The following VWA8 variants were observed in gnomAD, a reference collection of about 807,000 sequenced individuals.
The protein encoded by VWA8 is von Willebrand factor A domain containing 8, also known as von Willebrand factor A domain-containing protein 8.
A neutral mutation model predicts 241.5 loss-of-function variants in VWA8; 221 were observed. The ratio of observed to expected loss-of-function variants is 0.91; its 90% CI spans 0.82 to 1.02. The LOEUF (loss-of-function observed/expected upper bound fraction) is 1.02. Among genes scored for constraint, VWA8 ranks in the 50% least tolerant of loss-of-function variants. The probability of loss-of-function intolerance (pLI) is 0.00; values close to 1 mark genes in which losing one functional copy is unlikely to be tolerated. For synonymous variants in VWA8, 852 were observed against 827.1 expected, an observed-to-expected ratio of 1.03 and a Z score of -0.52; for missense variants, 2,322 against 2,328.7, an observed-to-expected ratio of 1.00 and a Z score of 0.06.
intron 21 of VWA8, among the ~76,000 whole-genome samples, chr13:41,737,388 A>G (rs1289617924): frequency 1.3e-5 from 2 of 152,232 alleles, no homozygotes; most frequent in South Asian, 2.1e-4. Flanking sequence ...AAGGTGATGT[A>G]AACAAGTTTA....
intron 42 of VWA8, among the ~76,000 whole-genome samples, chr13:41,580,974 T>C (rs549734172): frequency 7.7e-6 from 1 of 129,622 alleles, no homozygotes; most frequent in African/African-American, 3.8e-5. Context: ...GGAGAGTGAG[T>C]CATCTATTTT....
intron 37 of VWA8, among the ~76,000 whole-genome samples, chr13:41,631,616 T>A (rs1253415222): frequency 6.6e-6 from 1 of 152,086 alleles, no homozygotes; most frequent in African/African-American, 2.4e-5. Context: ...TTACTTAGAG[T>A]ACCTTATTTA....
At position 41,699,103 on chromosome 13, in the gene VWA8, G is replaced by A. The variant is rs1313284220; in HGVS notation, c.3532C>T (p.Leu1178Phe). The A allele has an allele frequency of 1.9e-6, 3 of 1,614,000 alleles. No individual in the cohort carries two copies. Among genetic ancestry groups the A allele is most frequent in the Non-Finnish European group, 2.5e-6 (3 of 1,179,916 alleles). The change falls in exon 29 of 45, where the codon CTC becomes TTC. Residue 1178 changes from leucine (L) to phenylalanine (F), a missense_variant. Coordinates refer to ENST00000379310, the MANE Select transcript of VWA8 (RefSeq NM_015058.2). ...TCATGGAGAACCACTTGACCTTTGA[G>A]AGGACTTCCCAGCGGTGCCACTGTC... ...FVTVAPLGSP[L>F]KGQVVLHEQQ...
chr13:41,699,404 C>T, intron 28 of VWA8, 134 bp from the exon 29 acceptor site: 2 of 807,366 alleles, frequency 2.5e-6, no homozygotes, highest in Non-Finnish European at 4.0e-6. Context: ...TGTATCATGG[C>T]TTGATTAGGC....
chr13:41,582,079 G>A (rs568584812), intron 42 of VWA8, among the ~76,000 whole-genome samples: 13 of 152,252 alleles, frequency 8.5e-5, no homozygotes, highest in Middle Eastern at 3.4e-3. Context: ...ATGATGTTGC[G>A]CTAGTCTTCA....
chr13:41,938,409 T>C (rs974844785), intron 2 of VWA8, among the ~76,000 whole-genome samples: 3 of 151,932 alleles, frequency 2.0e-5, no homozygotes, highest in African/African-American at 7.3e-5. Flanking sequence ...TCCCAACACT[T>C]TGGGAGGCCA....
At chr13:41,806,739 G>A (rs1870228960) in intron 17 of VWA8, among the ~76,000 whole-genome samples, 1 of 151,914 alleles carries the variant, frequency 6.6e-6, no homozygotes, top group Non-Finnish European at 1.5e-5. Context: ...TTAGCTGAGT[G>A]TGGTGGCACA....
intron 21 of VWA8, among the ~76,000 whole-genome samples, chr13:41,745,585 C>T (rs946148290): frequency 2.6e-5 from 4 of 152,132 alleles, no homozygotes; most frequent in African/African-American, 4.8e-5. Flanking sequence ...GACATTTATG[C>T]GGCCAACAGA....
intron 37 of VWA8, among the ~76,000 whole-genome samples, chr13:41,656,150 G>C (rs2044903373): frequency 6.6e-6 from 1 of 152,202 alleles, no homozygotes; most frequent in South Asian, 2.1e-4. Context: ...TATTGTGTCA[G>C]ATTTTTCTCT....
intron 37 of VWA8, among the ~76,000 whole-genome samples, chr13:41,620,020 G>A (rs545466363): frequency 1.3e-5 from 2 of 151,950 alleles, no homozygotes; most frequent in Non-Finnish European, 2.9e-5. Flanking sequence ...TTTTTCTATT[G>A]ATTGGAATAA....
At chr13:41,905,903 T>C (rs1181231991) in intron 4 of VWA8, among the ~76,000 whole-genome samples, 1 of 152,102 alleles carries the variant, frequency 6.6e-6, no homozygotes, top group Non-Finnish European at 1.5e-5. Flanking sequence ...CTCATCATTG[T>C]AAAGGTACAT....
At chr13:41,751,112 A>C (rs993094724) in intron 21 of VWA8, among the ~76,000 whole-genome samples, 8 of 151,882 alleles carry the variant, frequency 5.3e-5, no homozygotes, top group Admixed American at 1.3e-4. Flanking sequence ...TGCCTGGCAC[A>C]CAGTAGCTGC....
At chr13:41,662,169 T>C (rs1327393748) in intron 37 of VWA8, among the ~76,000 whole-genome samples, 2 of 152,308 alleles carry the variant, frequency 1.3e-5, no homozygotes, top group East Asian at 1.9e-4. Context: ...TTTATAGCTA[T>C]AAACAAAATC....
intron 17 of VWA8, among the ~76,000 whole-genome samples, chr13:41,809,241 C>A (rs1352881558): frequency 6.6e-6 from 1 of 151,976 alleles, no homozygotes; most frequent in African/African-American, 2.4e-5. Flanking sequence ...ACATTCTTTA[C>A]AGAAATAGAA....
At position 41,567,547 on chromosome 13, in the gene VWA8, A is replaced by G. The variant is rs1280867446; in HGVS notation, c.*650T>C. Reference sequence around the variant, plus strand: ...ACATTTGCTCTTTAAGAGCCTTTTAAAAGTCACGTGGAAAGGCAAGCACTC... The same window carrying G: ...ACATTTGCTCTTTAAGAGCCTTTTAGAAGTCACGTGGAAAGGCAAGCACTC... On this transcript the variant is annotated 3_prime_UTR_variant, in exon 45 of 45. Coordinates refer to ENST00000379310, the MANE Select transcript of VWA8 (RefSeq NM_015058.2). 1.3e-5 allele frequency: 2 copies of G among 152,204 alleles called. No individual in the cohort carries two copies. Among genetic ancestry groups the G allele is most frequent in the Non-Finnish European group, 2.9e-5 (2 of 68,048 alleles). The allele number at this position is 152,204 out of a possible 1,614,324, so 9.4% of individuals were successfully genotyped here.
At chr13:41,918,790 C>T (rs1448991814) in intron 2 of VWA8, among the ~76,000 whole-genome samples, 6 of 151,898 alleles carry the variant, frequency 4.0e-5, no homozygotes, top group Non-Finnish European at 2.9e-5. Context: ...ATATACAGTA[C>T]ATACTATTAT....
intron 26 of VWA8, among the ~76,000 whole-genome samples, chr13:41,705,401 T>G (rs984283209): frequency 6.6e-6 from 1 of 152,200 alleles, no homozygotes; most frequent in African/African-American, 2.4e-5. Context: ...GGCCAGATCT[T>G]GAAAACATAG....
intron 10 of VWA8, among the ~76,000 whole-genome samples, chr13:41,867,064 T>G (rs562423673): frequency 1.3e-5 from 2 of 152,210 alleles, no homozygotes; most frequent in Non-Finnish European, 2.9e-5. Flanking sequence ...GAATTTAACC[T>G]GGTATCAACA....
At chr13:41,926,719 C>T in intron 2 of VWA8, 1 of 537,002 alleles carries the variant, frequency 1.9e-6, no homozygotes, top group Admixed American at 1.9e-5. Flanking sequence ...GCCCATAGGG[C>T]CAGGCCTATG....
Sources: gnomAD v4.1 joint callset for allele counts (sites outside exome capture counted in the v4.1 genomes callset) on GRCh38, gnomAD v4.1.1 for gene constraint, MANE v1.5 for transcripts, NCBI Gene and HGNC (gene_info 2026-07-23, HGNC 2026-07-21) for gene names.